Variants in REDIC1 observed in about 807,000 individuals in gnomAD.
REDIC1 encodes the protein regulator of DNA class I crossover intermediates 1, also known as HEI10 Interacting Protein 1.
chr12:39,876,187 G>A, the REDIC1 span, among the ~76,000 whole-genome samples: 4 of 152,152 alleles, frequency 2.6e-5, no homozygotes, highest in Non-Finnish European at 4.4e-5. Flanking sequence ...GAACAGCCAA[G>A]GCCGGAAATC....
the REDIC1 span, among the ~76,000 whole-genome samples, chr12:39,785,827 A>G: frequency 6.6e-6 from 1 of 152,128 alleles, no homozygotes; most frequent in Non-Finnish European, 1.5e-5. Flanking sequence ...TTAAAATTAG[A>G]CTGCCCTGCT....
At chr12:39,772,206 T>G in the REDIC1 span, among the ~76,000 whole-genome samples, 3 of 152,146 alleles carry the variant, frequency 2.0e-5, no homozygotes, top group African/African-American at 7.2e-5. Context: ...CAGGGTCTAA[T>G]GTCAGACTGC....
At chr12:39,812,517 G>A in the REDIC1 span, among the ~76,000 whole-genome samples, 4 of 150,982 alleles carry the variant, frequency 2.6e-5, no homozygotes, top group East Asian at 7.8e-4. Flanking sequence ...CTGTTGCTCA[G>A]GCTGGAGTGC....
chr12:39,655,908 A>G, the REDIC1 span, among the ~76,000 whole-genome samples: 1 of 151,952 alleles, frequency 6.6e-6, no homozygotes, highest in African/African-American at 2.4e-5. Context: ...TGGTTTTAAC[A>G]TTGCATTTTG....
the REDIC1 span, among the ~76,000 whole-genome samples, chr12:39,678,629 C>CAAAAAAAAA: frequency 1.0e-5 from 1 of 96,232 alleles, no homozygotes; most frequent in Non-Finnish European, 2.1e-5. Flanking sequence ...AAAGGCATAA[C>CAAAAAAAAA]AAAAAAAAAA....
At chr12:39,638,885 A>T in the REDIC1 span, among the ~76,000 whole-genome samples, 6 of 151,994 alleles carry the variant, frequency 3.9e-5, no homozygotes, top group Admixed American at 3.9e-4. Flanking sequence ...AATGTCCTGG[A>T]TAAGAGAAAA....
At chr12:39,809,878 A>T in the REDIC1 span, among the ~76,000 whole-genome samples, 5 of 152,126 alleles carry the variant, frequency 3.3e-5, no homozygotes, top group African/African-American at 1.2e-4. Context: ...TGGTGTATAT[A>T]TGCCACATTT....
chr12:39,694,375 C>A, the REDIC1 span, among the ~76,000 whole-genome samples: 1 of 152,130 alleles, frequency 6.6e-6, no homozygotes, highest in Non-Finnish European at 1.5e-5. Flanking sequence ...ACTGACGCCA[C>A]CCTTCCTCCA....
At chr12:39,749,898 G>A in the REDIC1 span, among the ~76,000 whole-genome samples, 2 of 152,110 alleles carry the variant, frequency 1.3e-5, no homozygotes, top group Admixed American at 1.3e-4. Flanking sequence ...CAATAAATTA[G>A]GTATTGATGG....
chr12:39,733,068 T>TGC, the REDIC1 span, among the ~76,000 whole-genome samples: 1 of 37,158 alleles, frequency 2.7e-5, no homozygotes, highest in Non-Finnish European at 4.7e-5. Context: ...GGCAGAAAAA[T>TGC]GCACACACAC....
chr12:39,833,779 TC>T, the REDIC1 span, among the ~76,000 whole-genome samples: 1 of 151,980 alleles, frequency 6.6e-6, no homozygotes, highest in East Asian at 1.9e-4. Flanking sequence ...TCCACAAATT[TC>T]TTAGAAGATG....
chr12:39,669,856 T>G, the REDIC1 span, among the ~76,000 whole-genome samples: 1 of 152,198 alleles, frequency 6.6e-6, no homozygotes, highest in Non-Finnish European at 1.5e-5. Flanking sequence ...GAGCCAGGTG[T>G]GGGGTATAAT....
chr12:39,751,152 C>T, the REDIC1 span, among the ~76,000 whole-genome samples: 5 of 151,268 alleles, frequency 3.3e-5, no homozygotes, highest in African/African-American at 1.2e-4. Context: ...AACATTTTTG[C>T]AATCTACTCA....
chr12:39,717,471 C>A, the REDIC1 span, among the ~76,000 whole-genome samples: 9 of 152,036 alleles, frequency 5.9e-5, no homozygotes, highest in South Asian at 1.5e-3. Context: ...CATAAATCAT[C>A]ATAATCCTCA....
the REDIC1 span, among the ~76,000 whole-genome samples, chr12:39,639,524 A>G: frequency 1.3e-5 from 2 of 152,034 alleles, no homozygotes. Flanking sequence ...ACAACTTCAT[A>G]TATTCTCAGT....
chr12:39,660,285 A>G, the REDIC1 span, among the ~76,000 whole-genome samples: 2 of 152,032 alleles, frequency 1.3e-5, no homozygotes, highest in Admixed American at 6.6e-5. Flanking sequence ...ATCCTCTGCA[A>G]TCTCCCTGGA....
the REDIC1 span, among the ~76,000 whole-genome samples, chr12:39,830,667 T>G: frequency 6.6e-6 from 1 of 152,056 alleles, no homozygotes; most frequent in South Asian, 2.1e-4. Context: ...AAAATGAAAA[T>G]AGTTTTTTTT....
At chr12:39,818,242 A>G in the REDIC1 span, among the ~76,000 whole-genome samples, 2 of 152,066 alleles carry the variant, frequency 1.3e-5, no homozygotes, top group Non-Finnish European at 2.9e-5. Flanking sequence ...AAAACTGAGG[A>G]GTTGATTTTT....
chr12:39,832,183 A>G, the REDIC1 span, among the ~76,000 whole-genome samples: 1 of 152,144 alleles, frequency 6.6e-6, no homozygotes, highest in South Asian at 2.1e-4. Flanking sequence ...AGACAACTGA[A>G]GGCTTTAGAA....
Sources: gnomAD v4.1 joint callset for allele counts (sites outside exome capture counted in the v4.1 genomes callset) on GRCh38, gnomAD v4.1.1 for gene constraint, MANE v1.5 for transcripts, NCBI Gene and HGNC (gene_info 2026-07-23, HGNC 2026-07-21) for gene names.